Variants in FGF14 observed in about 807,000 individuals in gnomAD.
FGF14 encodes fibroblast growth factor 14.
A neutral mutation model predicts 25.5 loss-of-function variants in FGF14; 5 were observed. That is an observed-to-expected ratio of 0.20 (90% CI 0.10 to 0.41). The LOEUF is 0.41. Among genes scored for constraint, FGF14 ranks in the 10% least tolerant of loss-of-function variants. The pLI is 1.00. For synonymous variants in FGF14, 138 were observed against 118.3 expected, an observed-to-expected ratio of 1.17 and a Z score of -1.08; for missense variants, 222 against 320.1, an observed-to-expected ratio of 0.69 and a Z score of 2.34.
Position 101,943,821 on chromosome 13 carries a change from A to AT in FGF14, c.209-68526_209-68525insA, listed in dbSNP as rs1377934474. On this transcript the variant is annotated intron_variant, in intron 1 of 4. Transcript: ENST00000376131. ...AATCCCTGTCTCTACTTAAAAAAAAAAAAAAATATATATATATATATATTC... is the reference window on the plus strand; with the variant it reads ...AATCCCTGTCTCTACTTAAAAAAAAATAAAAAATATATATATATATATATTC... 8.2e-4 allele frequency among the ~76,000 whole-genome samples: 117 copies of AT among 142,236 alleles called. 1 individual carries two copies. Among genetic ancestry groups the AT allele is most frequent in the South Asian group, 3.6e-3 (17 of 4,658 alleles). The allele number at this position is 142,236 out of a possible 152,430, so 93.3% of individuals were successfully genotyped here.
intron 1 of FGF14, among the ~76,000 whole-genome samples, chr13:102,001,927 C>A (rs1455277831): frequency 6.6e-6 from 1 of 152,046 alleles, no homozygotes; most frequent in Non-Finnish European, 1.5e-5. Flanking sequence ...GAGGCCAGGT[C>A]CCACATCTAC....
At chr13:101,888,339 AG>A (rs1459985139) in intron 1 of FGF14, among the ~76,000 whole-genome samples, 1 of 152,190 alleles carries the variant, frequency 6.6e-6, no homozygotes, top group Non-Finnish European at 1.5e-5. Flanking sequence ...AACCTGAAAA[AG>A]TACTGGACTG....
chr13:102,332,438 G>T (rs998274753), intron 1 of FGF14, among the ~76,000 whole-genome samples: 1 of 152,002 alleles, frequency 6.6e-6, no homozygotes, highest in East Asian at 1.9e-4. Flanking sequence ...AATCATCAGA[G>T]ATTTTATTAA....
chr13:102,158,076 C>G (rs984802787), intron 1 of FGF14, among the ~76,000 whole-genome samples: 4 of 152,164 alleles, frequency 2.6e-5, no homozygotes, highest in Non-Finnish European at 5.9e-5. Context: ...GTTGGTGGGA[C>G]TGTAAACTAG....
At chr13:102,316,010 A>C (rs2056004185) in intron 1 of FGF14, among the ~76,000 whole-genome samples, 1 of 152,200 alleles carries the variant, frequency 6.6e-6, no homozygotes, top group African/African-American at 2.4e-5. Context: ...CCACAGCTAC[A>C]CTGTGCAGAG....
intron 1 of FGF14, among the ~76,000 whole-genome samples, chr13:102,018,641 CTCCAGCCCTGAGGCCTCCTCT>C (rs2040473298): frequency 6.6e-6 from 1 of 151,904 alleles, no homozygotes; most frequent in South Asian, 2.1e-4. Flanking sequence ...CTTCTTCCTC[CTCCAGCCCTGAGGCCTCCTCT>C]TCCAGCCCTG....
intron 1 of FGF14, among the ~76,000 whole-genome samples, chr13:102,294,227 T>C (rs2054578281): frequency 6.6e-6 from 1 of 152,210 alleles, no homozygotes; most frequent in Admixed American, 6.6e-5. Flanking sequence ...AACATATTTA[T>C]TCAAATAAAA....
At chr13:101,970,800 C>T (rs1232491187) in intron 1 of FGF14, among the ~76,000 whole-genome samples, 1 of 152,168 alleles carries the variant, frequency 6.6e-6, no homozygotes, top group Non-Finnish European at 1.5e-5. Flanking sequence ...TATTCTGCTG[C>T]CTGAGAGACT....
intron 1 of FGF14, among the ~76,000 whole-genome samples, chr13:101,947,319 A>G (rs900721291): frequency 1.3e-5 from 2 of 152,218 alleles, no homozygotes; most frequent in Non-Finnish European, 2.9e-5. Flanking sequence ...TGACACAACA[A>G]TCCCATTACT....
intron 1 of FGF14, among the ~76,000 whole-genome samples, chr13:102,336,420 G>A (rs1400135181): frequency 6.6e-6 from 1 of 152,128 alleles, no homozygotes; most frequent in African/African-American, 2.4e-5. Context: ...TCTGAGAGAG[G>A]TGAAGAAGCC....
intron 1 of FGF14, among the ~76,000 whole-genome samples, chr13:101,906,981 A>G (rs1174295357): frequency 1.3e-5 from 2 of 152,186 alleles, no homozygotes; most frequent in Non-Finnish European, 2.9e-5. Flanking sequence ...TTCTTTCTAC[A>G]TAATGCTTAA....
At chr13:102,076,967 A>G (rs1200676906) in intron 1 of FGF14, among the ~76,000 whole-genome samples, 1 of 152,230 alleles carries the variant, frequency 6.6e-6, no homozygotes, top group African/African-American at 2.4e-5. Context: ...TATAGAGCAT[A>G]GAAATAAAAC....
rs1004402869 is a variant in FGF14 at position 101,868,728 on chromosome 13, T to C, written c.405A>G (p.Pro135=). Residue 135 remains proline (P), a synonymous_variant, in exon 3 of 5, where the codon CCA becomes CCG. Transcript: ENST00000376143. ...AGATCTTTGGCGTCTTACTTACTGATGGGTAGAGGTAACCTTCTCCATTCA... is the reference window on the plus strand; with the variant it reads ...AGATCTTTGGCGTCTTACTTACTGACGGGTAGAGGTAACCTTCTCCATTCA... ...IAMNGEGYLY[P]SELFTPECKF... The C allele has an allele frequency of 5.6e-6, 9 of 1,594,060 alleles. No homozygotes were observed. The highest frequency in any genetic ancestry group is 5.0e-5 in the Admixed American group (3 of 59,954).
intron 1 of FGF14, among the ~76,000 whole-genome samples, chr13:102,338,016 T>C (rs916753390): frequency 1.3e-5 from 2 of 152,164 alleles, no homozygotes; most frequent in African/African-American, 4.8e-5. Context: ...TGTGCTCGTC[T>C]GCAATATCTC....
intron 1 of FGF14, among the ~76,000 whole-genome samples, chr13:102,106,608 G>C (rs1375119444): frequency 2.0e-5 from 3 of 149,092 alleles, no homozygotes; most frequent in African/African-American, 5.0e-5. Flanking sequence ...GGGAGGGAGA[G>C]AGAAAAAGAA....
intron 3 of FGF14, among the ~76,000 whole-genome samples, chr13:101,863,165 T>C (rs2140421983): frequency 6.6e-6 from 1 of 152,274 alleles, no homozygotes; most frequent in South Asian, 2.1e-4. Context: ...TCAAGTTTAA[T>C]ATACTTTTTA....
intron 3 of FGF14, among the ~76,000 whole-genome samples, chr13:101,730,811 TG>T (rs903817914): frequency 5.3e-5 from 8 of 152,284 alleles, no homozygotes; most frequent in African/African-American, 1.7e-4. Flanking sequence ...GGCATGATCA[TG>T]GCACCGTAAT....
At chr13:102,082,677 G>A (rs1370460431) in intron 1 of FGF14, among the ~76,000 whole-genome samples, 1 of 152,148 alleles carries the variant, frequency 6.6e-6, no homozygotes, top group Admixed American at 6.5e-5. Context: ...CTTTGGGGCC[G>A]GGCGCGGTGG....
chr13:101,966,773 G>A lies in FGF14; in HGVS notation c.209-91477C>T, dbSNP rs112222148. 1.9e-3 allele frequency among the ~76,000 whole-genome samples: 289 copies of A among 152,208 alleles called. 2 individuals are homozygous for A. Among genetic ancestry groups the A allele is most frequent in the African/African-American group, 6.4e-3 (266 of 41,506 alleles). On this transcript the variant is annotated intron_variant, in intron 1 of 4. Coordinates refer to the FGF14 transcript ENST00000376131. Reference sequence around the variant, plus strand: ...TGGGATTACAGGCGTCAGCCACCGCGCCTGGCCAAATCATTGTGTTTAAAC... The same window carrying A: ...TGGGATTACAGGCGTCAGCCACCGCACCTGGCCAAATCATTGTGTTTAAAC...
Sources: allele counts gnomAD v4.1 joint callset (sites outside exome capture counted in the v4.1 genomes callset), GRCh38; gene constraint gnomAD v4.1.1; transcripts MANE v1.5; gene names NCBI Gene and HGNC (gene_info 2026-07-23, HGNC 2026-07-21).